Variants in YBX2 observed in about 807,000 individuals in gnomAD.
YBX2 encodes the protein Y-box binding protein 2, also known as Y-box-binding protein 2.
Under a neutral mutation model 44.4 loss-of-function variants are expected in YBX2, and 5 were observed. The observed-to-expected ratio is 0.11, with a 90% CI of 0.06 to 0.24. The LOEUF is 0.24. YBX2 is among the 10% of genes least tolerant of loss of function. The pLI is 1.00. For synonymous variants in YBX2, 188 were observed against 216.1 expected, an observed-to-expected ratio of 0.87 and a Z score of 1.14; for missense variants, 417 against 526.9, an observed-to-expected ratio of 0.79 and a Z score of 2.04.
chr17:7,289,290 T>TG (rs2072478950), intron 7 of YBX2, among the ~76,000 whole-genome samples: 3 of 61,356 alleles, frequency 4.9e-5, no homozygotes, highest in Non-Finnish European at 3.7e-5. Context: ...AAGTGGGGGA[T>TG]GGGTTGGGGG....
chr17:7,294,097 C>T lies in YBX2; in HGVS notation c.271+133G>A. On this transcript the variant is annotated intron_variant, in intron 1 of 8. Coordinates refer to ENST00000007699, the MANE Select transcript of YBX2 (RefSeq NM_015982.4). The surrounding 1 kb of genome is among the most constrained non-coding windows in gnomAD (Gnocchi z 4.6). The stretch of plus-strand genomic sequence containing the variant: ...CAGGGGAATCCACTTTGGTGCGCAG[C>T]TCCCAGCCCAGTTAGCGCTCTGGGC... 1.9e-6 allele frequency: 2 copies of T among 1,036,170 alleles called. No individual in the cohort carries two copies. The highest frequency in any genetic ancestry group is 1.7e-5 in the African/African-American group (1 of 60,396). 64.2% of individuals were successfully genotyped at this position (1,036,170 alleles called of 1,614,324 possible).
chr17:7,293,254 T>C, intron 2 of YBX2: 3 of 742,900 alleles, frequency 4.0e-6, no homozygotes, highest in Non-Finnish European at 6.5e-6. Flanking sequence ...GTTTGCCAAG[T>C]TCCTGAATCA....
Position 7,294,456 on chromosome 17 carries a change from C to A in YBX2, c.45G>T (p.Ala15=). ...CTGCCGCCGTCGCGGGCACCGTCGC[C>A]GCGGGGACCGCTGTAGCCCCCGCTG... ...EAAAGATAVP[A]ATVPATAAGV... Residue 15 remains alanine (A), a synonymous_variant, in exon 1 of 9, where the codon GCG becomes GCT. Transcript: ENST00000007699. This position sits in a 1 kb window ranked among gnomAD's most constrained non-coding sequence, Gnocchi z 4.6. The A allele has an allele frequency of 6.8e-7, 1 of 1,475,804 alleles. No homozygotes were observed. The allele number at this position is 1,475,804 out of a possible 1,614,324, so 91.4% of individuals were successfully genotyped here.
At position 7,294,129 on chromosome 17, in the gene YBX2, G is replaced by A. The variant is rs981809990; in HGVS notation, c.271+101C>T. 5 of 1,196,744 alleles carry A rather than the reference G, an allele frequency of 4.2e-6. No homozygotes were observed. The Admixed American group carries it at 1.7e-4, about 40-fold the overall frequency. 74.1% of individuals were successfully genotyped at this position (1,196,744 alleles called of 1,614,324 possible). ...CCCAGTTAGCGCTCTGGGCCTGCGG[G>A]CCAGGCCGCCTTTGGTTTTCCGGAT... is the stretch of plus-strand genomic sequence containing the variant. On this transcript the variant is annotated intron_variant, in intron 1 of 8. Transcript: ENST00000007699. This position sits in a 1 kb window ranked among gnomAD's most constrained non-coding sequence, Gnocchi z 4.6.
chr17:7,293,812 A>G, intron 1 of YBX2: 1 of 608,030 alleles, frequency 1.6e-6, no homozygotes. Context: ...CCCTTCACCT[A>G]GAACTGGGTA....
In YBX2 at chr17:7,288,744, C is replaced by A. The variant is rs1455638060; in HGVS notation, c.*39+5G>T. 1 of 1,612,670 alleles carries A rather than the reference C, an allele frequency of 6.2e-7. No individual in the cohort carries two copies. The highest frequency in any genetic ancestry group is 1.1e-5 in the South Asian group (1 of 91,040). On this transcript the variant is annotated splice_donor_5th_base_variant and intron_variant, in intron 8 of 8. Coordinates refer to ENST00000007699, the MANE Select transcript of YBX2 (RefSeq NM_015982.4). ...GCCACCCACCCAACTGCACCAGCCA[C>A]TCACCAGATGGCAGCTCTGGGTGTC...
At position 7,294,594 on chromosome 17, in the gene YBX2, G is replaced by C; in HGVS notation, c.-94C>G. 1 of 1,224,984 alleles carries C rather than the reference G, an allele frequency of 8.2e-7. No individual in the cohort carries two copies. Among genetic ancestry groups the C allele is most frequent in the Non-Finnish European group, 1.0e-6 (1 of 981,782 alleles). The allele number at this position is 1,224,984 out of a possible 1,614,324, so 75.9% of individuals were successfully genotyped here. On this transcript the variant is annotated 5_prime_UTR_variant, in exon 1 of 9. Transcript: ENST00000007699. This position sits in a 1 kb window ranked among gnomAD's most constrained non-coding sequence, Gnocchi z 4.6. The stretch of plus-strand genomic sequence containing the variant: ...GCCCTGCTCGGTCCTCGCGCCCCGA[G>C]CCTCGCCCACACGCCGGCAGCGGGC...
chr17:7,289,941 G>T, intron 6 of YBX2, 27 bp downstream of exon 6: 1 of 1,612,722 alleles, frequency 6.2e-7, no homozygotes, highest in South Asian at 1.1e-5. Flanking sequence ...GGAAGGGGAA[G>T]ACCAAGCCCC....
Position 7,294,553 on chromosome 17 carries a change from G to A in YBX2, c.-53C>T, listed in dbSNP as rs1383683908. 3.0e-6 allele frequency: 4 copies of A among 1,318,746 alleles called. No individual in the cohort carries two copies. Among genetic ancestry groups the A allele is most frequent in the Admixed American group, 3.3e-5 (1 of 30,500 alleles). The allele number at this position is 1,318,746 out of a possible 1,614,324, so 81.7% of individuals were successfully genotyped here. On this transcript the variant is annotated 5_prime_UTR_variant, in exon 1 of 9. Coordinates refer to ENST00000007699, the MANE Select transcript of YBX2 (RefSeq NM_015982.4). The surrounding 1 kb of genome is among the most constrained non-coding windows in gnomAD (Gnocchi z 4.6). ...CGCCACCGCCCCGGCCCCTCCCCCC[G>A]GCTCGCGAACCCACCGCCCTGCTCG... is the stretch of plus-strand genomic sequence containing the variant.
chr17:7,294,361 C>CCCCCGCCGCCCG lies in YBX2; in HGVS notation c.128_139dup (p.Ala43_Gly46dup), dbSNP rs1039952039. 2.2e-6 allele frequency: 3 copies of CCCCCGCCGCCCG among 1,383,896 alleles called. No homozygotes were observed. The highest frequency in any genetic ancestry group is 2.8e-6 in the Non-Finnish European group (3 of 1,067,730). The allele number at this position is 1,383,896 out of a possible 1,614,324, so 85.7% of individuals were successfully genotyped here. A position where few individuals can be genotyped will look rare whatever the true frequency, so the allele number is the denominator to read the frequency against. ...AGCAGCGGGGCCCGAGGCGGCTCCGCCCCCGCCGCCCGCCCCGCCGCCTTT... is the reference window on the plus strand; with the variant it reads ...AGCAGCGGGGCCCGAGGCGGCTCCGCCCCCGCCGCCCGCCCCGCCGCCCGCCCCGCCGCCTTT... On this transcript the variant is annotated inframe_insertion, in exon 1 of 9. Transcript: ENST00000007699. This position sits in a 1 kb window ranked among gnomAD's most constrained non-coding sequence, Gnocchi z 4.6.
chr17:7,289,494 C>T (rs998155813), intron 7 of YBX2, 36 bp downstream of exon 7: 1 of 1,567,580 alleles, frequency 6.4e-7, no homozygotes, highest in Non-Finnish European at 8.7e-7. Context: ...GAGCTGGTCT[C>T]AGCCTTTTCT....
chr17:7,288,645 TGAGA>T lies in YBX2; in HGVS notation c.*40-6_*40-3del. Reference sequence around the variant, plus strand: ...TCATTTGGAAAAACTGGCAGATACCTGAGAGAGAAAAGGAAATGGACGGATTGTG... The same window carrying T: ...TCATTTGGAAAAACTGGCAGATACCTGAGAAAAGGAAATGGACGGATTGTG... On this transcript the variant is annotated splice_region_variant and splice_polypyrimidine_tract_variant and intron_variant, in intron 8 of 8. Coordinates refer to ENST00000007699, the MANE Select transcript of YBX2 (RefSeq NM_015982.4). The T allele has an allele frequency of 2.1e-6, 2 of 967,410 alleles. No individual in the cohort carries two copies. The highest frequency in any genetic ancestry group is 3.2e-6 in the Non-Finnish European group (2 of 630,158). 59.9% of individuals were successfully genotyped at this position (967,410 alleles called of 1,614,324 possible). A position where few individuals can be genotyped will look rare whatever the true frequency, so the allele number is the denominator to read the frequency against.
chr17:7,290,296 C>A lies in YBX2; in HGVS notation c.699G>T (p.Arg233=). Residue 233 remains arginine (R), a synonymous_variant, in exon 5 of 9, where the codon CGG becomes CGT. Coordinates refer to ENST00000007699, the MANE Select transcript of YBX2 (RefSeq NM_015982.4). ...WCPPPFFYRR[R]FVRGPRPPNQ... ...TGGGAGGCCGGGGGCCTCGCACAAA[C>A]CGCCGTCGGTAGAAGAAGGGTGGGG... 1 of 1,613,550 alleles carries A rather than the reference C, an allele frequency of 6.2e-7. No individual in the cohort carries two copies. The highest frequency in any genetic ancestry group is 1.3e-5 in the African/African-American group (1 of 74,972).
At chr17:7,292,237 T>A in intron 2 of YBX2, 178 bp from the exon 3 acceptor site, 1 of 719,470 alleles carries the variant, frequency 1.4e-6, no homozygotes, top group Non-Finnish European at 2.4e-6. Context: ...CAGAAGCTGG[T>A]GTAAAGAGAG....
intron 2 of YBX2, 74 bp downstream of exon 2, chr17:7,293,401 T>G (rs2072515836): frequency 1.2e-6 from 2 of 1,607,488 alleles, no homozygotes; most frequent in Non-Finnish European, 1.7e-6. Context: ...GTCGATGAGG[T>G]TGGGCGGGTG....
chr17:7,293,908 C>T (rs539079744), intron 1 of YBX2: 43 of 513,976 alleles, frequency 8.4e-5, no homozygotes, highest in Non-Finnish European at 1.4e-4. Flanking sequence ...AGTGCACCTG[C>T]TTGCCAGGCT....
chr17:7,292,229 G>GC, intron 2 of YBX2, 170 bp from the exon 3 acceptor site: 1 of 751,308 alleles, frequency 1.3e-6, no homozygotes, highest in Non-Finnish European at 2.3e-6. Flanking sequence ...AGGGCCCCCA[G>GC]AAGCTGGTGT....
chr17:7,290,586 C>T lies in YBX2; in HGVS notation c.460-51G>A, dbSNP rs779189234. On this transcript the variant is annotated intron_variant, in intron 4 of 8. Coordinates refer to ENST00000007699, the MANE Select transcript of YBX2 (RefSeq NM_015982.4). ...AGAACCTGCTCCAACAGCCAATGTG[C>T]ATTTCCCAACTTGCTTCCCCTTCTT... 2.5e-6 allele frequency: 4 copies of T among 1,587,790 alleles called. No individual in the cohort carries two copies. The South Asian group carries it at 4.5e-5, about 18-fold the overall frequency.
chr17:7,291,894 C>G lies in YBX2; in HGVS notation c.369+132G>C. Reference sequence around the variant, plus strand: ...CAAGTGCGGCTAATGGTGGTTGACACAGGCACCCAAGGCGGATGGGCCGTT... The same window carrying G: ...CAAGTGCGGCTAATGGTGGTTGACAGAGGCACCCAAGGCGGATGGGCCGTT... On this transcript the variant is annotated intron_variant, in intron 3 of 8. Coordinates refer to ENST00000007699, the MANE Select transcript of YBX2 (RefSeq NM_015982.4). The surrounding 1 kb of genome is among the most constrained non-coding windows in gnomAD (Gnocchi z 5.8). 1 of 1,169,734 alleles carries G rather than the reference C, an allele frequency of 8.5e-7. No individual in the cohort carries two copies. Among genetic ancestry groups the G allele is most frequent in the Non-Finnish European group, 1.3e-6 (1 of 786,294 alleles). 72.5% of individuals were successfully genotyped at this position (1,169,734 alleles called of 1,614,324 possible).
Sources: gnomAD v4.1 joint callset for allele counts (sites outside exome capture counted in the v4.1 genomes callset) on GRCh38, gnomAD v4.1.1 for gene constraint, Gnocchi (gnomAD v3.1) non-coding constraint, MANE v1.5 for transcripts, NCBI Gene and HGNC (gene_info 2026-07-23, HGNC 2026-07-21) for gene names.